The following PAPPA2 variants were observed in gnomAD, a reference collection of about 807,000 sequenced individuals.
PAPPA2 encodes pappalysin 2.
PAPPA2 carries 86 observed loss-of-function variants against 176.4 expected under a neutral mutation model. The observed-to-expected ratio is 0.49, with a 90% CI of 0.41 to 0.58. PAPPA2 has a LOEUF of 0.58. Ranked by LOEUF, PAPPA2 falls within the 20% of genes least tolerant of loss-of-function variation. The probability of loss-of-function intolerance (pLI) is 0.00; values close to 1 mark genes in which losing one functional copy is unlikely to be tolerated. For synonymous variants in PAPPA2, 809 were observed against 852.2 expected, an observed-to-expected ratio of 0.95 and a Z score of 0.88; for missense variants, 2,073 against 2,256.9, an observed-to-expected ratio of 0.92 and a Z score of 1.65.
rs759779380 is a variant in PAPPA2 at position 176,690,182 on chromosome 1, C to T, written c.2183C>T (p.Thr728Ile). 1 of 1,613,996 alleles carries T rather than the reference C, an allele frequency of 6.2e-7. No individual in the cohort carries two copies. Among genetic ancestry groups the T allele is most frequent in the South Asian group, 1.1e-5 (1 of 91,070 alleles). Residue 728 changes from threonine (T) to isoleucine (I), a missense_variant, in exon 5 of 23, where the codon ACC (threonine) becomes ATC (isoleucine). Physicochemically the swap from Thr to Ile is moderately conservative, Grantham distance 89. Transcript: ENST00000367662. ...SPAYYGMPGH[T>I]DTMIHEVGHV... ...GCATATTATGGGATGCCTGGCCACA[C>T]CGACACCATGATCCATGAAGTGGGA...
intron 12 of PAPPA2, among the ~76,000 whole-genome samples, chr1:176,727,001 AT>A (rs1014188316): frequency 6.6e-6 from 1 of 152,188 alleles, no homozygotes; most frequent in African/African-American, 2.4e-5. Context: ...AGATAGTAAT[AT>A]TTTTTGGAAG....
chr1:176,557,977 C>T (rs2102593424), intron 2 of PAPPA2, among the ~76,000 whole-genome samples: 1 of 152,270 alleles, frequency 6.6e-6, no homozygotes, highest in South Asian at 2.1e-4. Flanking sequence ...GGGAACATGA[C>T]CCACATTTGT....
At chr1:176,686,190 C>T (rs544803909) in intron 4 of PAPPA2, among the ~76,000 whole-genome samples, 1 of 152,150 alleles carries the variant, frequency 6.6e-6, no homozygotes, top group African/African-American at 2.4e-5. Flanking sequence ...TGAAGAAATA[C>T]CTGAGGCTGG....
At chr1:176,744,476 G>A (rs1004376722) in intron 14 of PAPPA2, among the ~76,000 whole-genome samples, 9 of 152,082 alleles carry the variant, frequency 5.9e-5, no homozygotes, top group Non-Finnish European at 8.8e-5. Flanking sequence ...GGACTCAGTA[G>A]CATTTTACCT....
At chr1:176,815,688 C>G (rs1341253575) in intron 21 of PAPPA2, among the ~76,000 whole-genome samples, 1 of 151,920 alleles carries the variant, frequency 6.6e-6, no homozygotes, top group Non-Finnish European at 1.5e-5. Flanking sequence ...TGCTTGTATA[C>G]GTGTTAGGGA....
At position 176,760,729 on chromosome 1, in the gene PAPPA2, C is replaced by T. The variant is rs1663658757; in HGVS notation, c.4152-4937C>T. Among the ~76,000 whole-genome samples, 4 of 152,332 alleles carry T rather than the reference C, an allele frequency of 2.6e-5. No homozygotes were observed. The South Asian group carries it at 8.3e-4, about 32-fold the overall frequency. On this transcript the variant is annotated intron_variant, in intron 14 of 22. Coordinates refer to ENST00000367662, the MANE Select transcript of PAPPA2 (RefSeq NM_020318.3). ...AGGATTGTGCCCGGGTGCCCACAGGCAGGTTCTGTACAAGAGGACAATAGC... is the reference window on the plus strand; with the variant it reads ...AGGATTGTGCCCGGGTGCCCACAGGTAGGTTCTGTACAAGAGGACAATAGC...
intron 12 of PAPPA2, among the ~76,000 whole-genome samples, chr1:176,728,046 A>T (rs1020758402): frequency 5.3e-5 from 8 of 151,994 alleles, no homozygotes; most frequent in Non-Finnish European, 1.2e-4. Context: ...TATATTTAGG[A>T]AAGAATCAAA....
intron 9 of PAPPA2, 124 bp from the exon 10 acceptor site, chr1:176,706,235 C>A: frequency 1.4e-6 from 1 of 722,860 alleles, no homozygotes; most frequent in East Asian, 2.7e-5. Context: ...CTTCTAGCTC[C>A]TACTTTTTTC....
At chr1:176,785,008 C>G (rs371867812) in intron 17 of PAPPA2, among the ~76,000 whole-genome samples, 10 of 152,108 alleles carry the variant, frequency 6.6e-5, no homozygotes, top group Non-Finnish European at 1.3e-4. Context: ...TTCCAAAGAC[C>G]CTACTCCCTA....
At chr1:176,565,864 G>A (rs2102605167) in intron 2 of PAPPA2, among the ~76,000 whole-genome samples, 1 of 152,302 alleles carries the variant, frequency 6.6e-6, no homozygotes, top group East Asian at 1.9e-4. Flanking sequence ...GTCCTTCCTA[G>A]TTGAAGTGGG....
chr1:176,682,945 A>T (rs1401484573), intron 4 of PAPPA2, among the ~76,000 whole-genome samples: 1 of 152,104 alleles, frequency 6.6e-6, no homozygotes, highest in Non-Finnish European at 1.5e-5. Flanking sequence ...ATTCAGCCCT[A>T]AAAATTTTAC....
chr1:176,710,244 A>G (rs1661084968), intron 11 of PAPPA2, 68 bp downstream of exon 11: 2 of 1,370,312 alleles, frequency 1.5e-6, no homozygotes, highest in South Asian at 2.7e-5. Context: ...CTATGCTTAC[A>G]CTTGGGGTCT....
intron 6 of PAPPA2, among the ~76,000 whole-genome samples, chr1:176,694,470 G>T (rs1660266808): frequency 6.6e-6 from 1 of 152,214 alleles, no homozygotes. Context: ...GCGGCACAAT[G>T]CCAGTTATGT....
chr1:176,556,464 G>C lies in PAPPA2; in HGVS notation c.142G>C (p.Glu48Gln), dbSNP rs1651294986. 5.0e-6 allele frequency: 8 copies of C among 1,614,096 alleles called. No individual in the cohort carries two copies. Among genetic ancestry groups the C allele is most frequent in the Non-Finnish European group, 6.8e-6 (8 of 1,180,052 alleles). Reference protein sequence around the residue: ...EHLNQVLLEGERCWLGAKVRR... With the variant: ...EHLNQVLLEGQRCWLGAKVRR... ...CCTGAATCAGGTGCTGTTGGAAGGA[G>C]AACGTTGTTGGCTGGGGGCCAAGGT... The change falls in exon 2 of 23, where the codon GAA (glutamate) becomes CAA (glutamine). Residue 48 changes from glutamate (E) to glutamine (Q), a missense_variant. Around this residue, in one of 4 missense-constraint regions of PAPPA2, gnomAD observed 1,196 missense variants for 1,330.4 expected, o/e 0.90. Coordinates refer to ENST00000367662, the MANE Select transcript of PAPPA2 (RefSeq NM_020318.3).
At chr1:176,621,204 T>TAATC (rs1045482592) in intron 3 of PAPPA2, among the ~76,000 whole-genome samples, 5 of 152,230 alleles carry the variant, frequency 3.3e-5, no homozygotes, top group African/African-American at 9.6e-5. Context: ...GGACATCTGG[T>TAATC]AATCATTGAT....
chr1:176,710,605 G>A (rs551840832), intron 11 of PAPPA2, among the ~76,000 whole-genome samples: 5 of 152,034 alleles, frequency 3.3e-5, no homozygotes, highest in Non-Finnish European at 5.9e-5. Flanking sequence ...GATCTAAAAT[G>A]CTATACCAAT....
At chr1:176,662,469 C>T (rs1050734351) in intron 3 of PAPPA2, among the ~76,000 whole-genome samples, 2 of 151,934 alleles carry the variant, frequency 1.3e-5, no homozygotes, top group Non-Finnish European at 2.9e-5. Flanking sequence ...CTTTTCCCTT[C>T]TGTATCATTA....
chr1:176,575,155 A>T (rs1394071119), intron 2 of PAPPA2, among the ~76,000 whole-genome samples: 1 of 152,152 alleles, frequency 6.6e-6, no homozygotes, highest in African/African-American at 2.4e-5. Context: ...CTCCAGATTT[A>T]TCTGAGGTCA....
intron 13 of PAPPA2, 57 bp from the exon 14 acceptor site, chr1:176,739,923 A>G: frequency 1.3e-6 from 2 of 1,593,972 alleles, no homozygotes; most frequent in Non-Finnish European, 1.7e-6. Context: ...AATACAAGAT[A>G]TGGAAACATG....
Sources: allele counts gnomAD v4.1 joint callset (sites outside exome capture counted in the v4.1 genomes callset), GRCh38; gene constraint gnomAD v4.1.1; regional missense constraint gnomAD v4.1.1; transcripts MANE v1.5; gene names NCBI Gene and HGNC (gene_info 2026-07-23, HGNC 2026-07-21).